FUT8: variants seen among roughly 807,000 people sequenced by gnomAD.
The protein encoded by FUT8 is fucosyltransferase 8, also known as alpha-(1,6)-fucosyltransferase.
Under a neutral mutation model 71.3 loss-of-function variants are expected in FUT8, and 29 were observed. The ratio of observed to expected loss-of-function variants is 0.41; its 90% confidence interval spans 0.30 to 0.55. The LOEUF (loss-of-function observed/expected upper bound fraction) is 0.55, where lower values mean the gene tolerates loss of function less well. Among genes scored for constraint, FUT8 ranks in the 20% least tolerant of loss-of-function variants. FUT8 has a pLI of 0.34. For synonymous variants in FUT8, 254 were observed against 239.3 expected, an observed-to-expected ratio of 1.06 and a Z score of -0.57; for missense variants, 544 against 702.1, an observed-to-expected ratio of 0.77 and a Z score of 2.55.
chr14:65,370,576 T>C, the FUT8 span, among the ~76,000 whole-genome samples: 1 of 150,044 alleles, frequency 6.7e-6, no homozygotes, highest in East Asian at 1.9e-4. Flanking sequence ...TATAAATATA[T>C]ATAAACAAAA....
chr14:65,471,137 TG>T, intron 2 of FUT8: 1 of 430,446 alleles, frequency 2.3e-6, no homozygotes, highest in East Asian at 8.7e-5. Context: ...TCTATAGTCC[TG>T]TAATTAGATC....
intron 3 of FUT8, among the ~76,000 whole-genome samples, chr14:65,567,486 G>C (rs1886255985): frequency 6.6e-6 from 1 of 151,838 alleles, no homozygotes; most frequent in Non-Finnish European, 1.5e-5. Flanking sequence ...TGTTCTAGTT[G>C]GTTGGTTGGA....
chr14:65,370,559 T>C, the FUT8 span, among the ~76,000 whole-genome samples: 1 of 150,402 alleles, frequency 6.6e-6, no homozygotes, highest in East Asian at 1.9e-4. Context: ...CACAACTATA[T>C]GATACATATA....
chr14:65,677,152 G>GTGCGTGCGCGCGCGCGCGCA (rs1555383261), intron 7 of FUT8, among the ~76,000 whole-genome samples: 1 of 59,480 alleles, frequency 1.7e-5, no homozygotes, highest in South Asian at 4.2e-4. Flanking sequence ...GTGTGTGTGT[G>GTGCGTGCGCGCGCGCGCGCA]CGCGCGCGCA....
intron 10 of FUT8, among the ~76,000 whole-genome samples, chr14:65,737,086 A>T (rs1488917711): frequency 6.6e-6 from 1 of 152,080 alleles, no homozygotes; most frequent in African/African-American, 2.4e-5. Flanking sequence ...ATGGGACCTT[A>T]ATCGGGATTT....
intron 1 of FUT8, among the ~76,000 whole-genome samples, chr14:65,438,581 A>G (rs943392183): frequency 6.6e-6 from 1 of 152,244 alleles, no homozygotes; most frequent in African/African-American, 2.4e-5. Context: ...TATTTATGTC[A>G]TGGTAGAGCA....
chr14:65,393,611 G>T, the FUT8 span, among the ~76,000 whole-genome samples: 2 of 152,204 alleles, frequency 1.3e-5, no homozygotes, highest in African/African-American at 4.8e-5. Flanking sequence ...GCCTTTCTCA[G>T]GGTTTCTGAG....
the FUT8 span, among the ~76,000 whole-genome samples, chr14:65,373,733 G>A: frequency 6.6e-6 from 1 of 152,166 alleles, no homozygotes; most frequent in African/African-American, 2.4e-5. Flanking sequence ...AGGTTTATCA[G>A]TTTTCTCAGA....
At chr14:65,587,160 G>A (rs1471779791) in intron 3 of FUT8, among the ~76,000 whole-genome samples, 2 of 149,836 alleles carry the variant, frequency 1.3e-5, no homozygotes, top group African/African-American at 4.9e-5. Flanking sequence ...CTGCACTCCA[G>A]CCTGGGCGAC....
rs1885212135 is a variant in FUT8 at position 65,550,242 on chromosome 14, G to A, written c.-227-11095G>A. On this transcript the variant is annotated intron_variant, in intron 2 of 10. Transcript: ENST00000673929. The surrounding 1 kb of genome is among the most constrained non-coding windows in gnomAD (Gnocchi z 4.5). Reference sequence around the variant, plus strand: ...AAGGGGTGCAAGAGAGAGAAGGGAGGAGATACCAGGCTCTTTTTAACAAGA... The same window carrying A: ...AAGGGGTGCAAGAGAGAGAAGGGAGAAGATACCAGGCTCTTTTTAACAAGA... 6.6e-6 allele frequency among the ~76,000 whole-genome samples: 1 copy of A among 151,926 alleles called. No homozygotes were observed. Among genetic ancestry groups the A allele is most frequent in the Admixed American group, 6.6e-5 (1 of 15,250 alleles).
At chr14:65,496,768 T>A (rs2066566130) in intron 2 of FUT8, among the ~76,000 whole-genome samples, 1 of 152,154 alleles carries the variant, frequency 6.6e-6, no homozygotes, top group African/African-American at 2.4e-5. Context: ...TGGCCATGAT[T>A]TTCTTGGTAT....
At chr14:65,417,446 A>G (rs1042529838) in intron 1 of FUT8, among the ~76,000 whole-genome samples, 6 of 152,310 alleles carry the variant, frequency 3.9e-5, no homozygotes, top group Admixed American at 2.6e-4. Context: ...TATTCTGAAC[A>G]TAAAACCCAT....
chr14:65,725,648 G>C (rs1895646367), intron 9 of FUT8, among the ~76,000 whole-genome samples: 1 of 152,076 alleles, frequency 6.6e-6, no homozygotes, highest in African/African-American at 2.4e-5. Context: ...GCTTACTTCT[G>C]TCTCCTTCAC....
intron 7 of FUT8, among the ~76,000 whole-genome samples, chr14:65,706,302 A>G (rs1894548922): frequency 6.6e-6 from 1 of 152,208 alleles, no homozygotes; most frequent in South Asian, 2.1e-4. Flanking sequence ...CTCAGCCACT[A>G]CATGCTACAG....
chr14:65,567,648 A>C (rs74058519), intron 3 of FUT8, among the ~76,000 whole-genome samples: 3 of 151,836 alleles, frequency 2.0e-5, no homozygotes, highest in Non-Finnish European at 4.4e-5. Flanking sequence ...TGCTTTTTCA[A>C]TCTTGTATCC....
chr14:65,583,022 A>G (rs1287403204), intron 3 of FUT8, among the ~76,000 whole-genome samples: 2 of 152,168 alleles, frequency 1.3e-5, no homozygotes, highest in Non-Finnish European at 2.9e-5. Flanking sequence ...ATTTTATATA[A>G]ATCATAAACA....
chr14:65,569,165 T>G (rs946776274), intron 3 of FUT8, among the ~76,000 whole-genome samples: 1 of 151,764 alleles, frequency 6.6e-6, no homozygotes, highest in Non-Finnish European at 1.5e-5. Flanking sequence ...GTTAAGCACT[T>G]GACTATGAGT....
rs1263384116 is a variant in FUT8, at chr14:65,550,821, A to T, written c.-227-10516A>T. On this transcript the variant is annotated intron_variant, in intron 2 of 10. Coordinates refer to ENST00000673929, the MANE Select transcript of FUT8 (RefSeq NM_001371533.1). This position sits in a 1 kb window ranked among gnomAD's most constrained non-coding sequence, Gnocchi z 4.5. ...CCTTCTTGTTGGCATCATAGTATAA[A>T]ATACATATTTTTGGCAAAGTAATTA... Among the ~76,000 whole-genome samples the T allele has an allele frequency of 6.6e-6, 1 of 152,162 alleles. No homozygotes were observed. The highest frequency in any genetic ancestry group is 1.5e-5 in the Non-Finnish European group (1 of 68,036).
intron 2 of FUT8, among the ~76,000 whole-genome samples, chr14:65,501,416 A>T (rs2066644066): frequency 6.6e-6 from 1 of 152,052 alleles, no homozygotes; most frequent in African/African-American, 2.4e-5. Flanking sequence ...GGGGTTCAAA[A>T]CCTCTGGAGG....
Sources: allele counts gnomAD v4.1 joint callset (sites outside exome capture counted in the v4.1 genomes callset), GRCh38; gene constraint gnomAD v4.1.1; non-coding constraint Gnocchi (gnomAD v3.1); transcripts MANE v1.5; gene names NCBI Gene and HGNC (gene_info 2026-07-23, HGNC 2026-07-21).